Variants in DYNC2H1 observed in about 807,000 individuals in gnomAD.
The protein encoded by DYNC2H1 is dynein cytoplasmic 2 heavy chain 1.
A neutral mutation model predicts 570.0 loss-of-function variants in DYNC2H1; 410 were observed. That is an observed-to-expected ratio of 0.72 (90% confidence interval 0.66 to 0.78). The LOEUF is 0.78. DYNC2H1 is among the 30% of genes least tolerant of loss of function. The pLI, the probability that DYNC2H1 is intolerant of heterozygous loss-of-function variation, is 0.00. For synonymous variants in DYNC2H1, 1,688 were observed against 1,677.6 expected, an observed-to-expected ratio of 1.01 and a Z score of -0.15; for missense variants, 4,865 against 5,046.4, an observed-to-expected ratio of 0.96 and a Z score of 1.09.
intron 84 of DYNC2H1, among the ~76,000 whole-genome samples, chr11:103,411,329 A>C (rs1232668885): frequency 6.6e-6 from 1 of 152,120 alleles, no homozygotes; most frequent in African/African-American, 2.4e-5. Context: ...TCAAGGTATC[A>C]TATCAGTATT....
chr11:103,229,942 TG>T (rs1397129268), intron 59 of DYNC2H1, among the ~76,000 whole-genome samples: 2 of 152,180 alleles, frequency 1.3e-5, no homozygotes, highest in African/African-American at 2.4e-5. Context: ...TCTCAAAATT[TG>T]GTTCCTAGAC....
In DYNC2H1 at chr11:103,465,480, A is replaced by G. The variant is rs534730564; in HGVS notation, c.12649-3109A>G. ...TGTTTTTTTTTTTAATCTGTGGCAC[A>G]TGAGTTTGAGTTAGCATTTGCTCAA... is the stretch of plus-strand genomic sequence containing the variant. On this transcript the variant is annotated intron_variant, in intron 87 of 88. Transcript: ENST00000375735. This position sits in a 1 kb window ranked among gnomAD's most constrained non-coding sequence, Gnocchi z 4.9. Among the ~76,000 whole-genome samples, 2 of 152,118 alleles carry G rather than the reference A, an allele frequency of 1.3e-5. No individual in the cohort carries two copies. Among genetic ancestry groups the G allele is most frequent in the South Asian group, 2.1e-4 (1 of 4,818 alleles).
At chr11:103,354,074 G>A (rs565536140) in intron 82 of DYNC2H1, among the ~76,000 whole-genome samples, 74 of 151,312 alleles carry the variant, frequency 4.9e-4, no homozygotes, top group Non-Finnish European at 1.0e-3. Context: ...CTACTCGGGA[G>A]GCTGAGGCAG....
rs541205052 is a variant in DYNC2H1, at chr11:103,395,761, G to C, written c.12157-3902G>C. On this transcript the variant is annotated intron_variant, in intron 83 of 88. Coordinates refer to ENST00000375735, the MANE Select transcript of DYNC2H1 (RefSeq NM_001377.3). This position sits in a 1 kb window ranked among gnomAD's most constrained non-coding sequence, Gnocchi z 4.3. Reference sequence around the variant, plus strand: ...TCTCATTAGTTAAGCCCCAATTCAAGTTGCAAATTAATTTGTGGAACTGAG... The same window carrying C: ...TCTCATTAGTTAAGCCCCAATTCAACTTGCAAATTAATTTGTGGAACTGAG... 6.6e-6 allele frequency among the ~76,000 whole-genome samples: 1 copy of C among 152,206 alleles called. No homozygotes were observed. Among genetic ancestry groups the C allele is most frequent in the East Asian group, 1.9e-4 (1 of 5,170 alleles).
At chr11:103,215,946 T>C in intron 55 of DYNC2H1, 88 bp downstream of exon 55, 3 of 1,462,168 alleles carry the variant, frequency 2.1e-6, no homozygotes, top group Non-Finnish European at 2.7e-6. Flanking sequence ...TTCACTTAGG[T>C]GGATTTAAAA....
intron 75 of DYNC2H1, among the ~76,000 whole-genome samples, chr11:103,295,340 C>T (rs1866775153): frequency 6.6e-6 from 1 of 152,094 alleles, no homozygotes. Context: ...ATAAGCTTTC[C>T]TGTATTAGGC....
chr11:103,431,896 G>A (rs749427691), intron 84 of DYNC2H1, among the ~76,000 whole-genome samples: 2 of 152,124 alleles, frequency 1.3e-5, no homozygotes, highest in African/African-American at 2.4e-5. Flanking sequence ...GGGCACTGTC[G>A]TAGAGAAGAA....
At chr11:103,109,792 C>G (rs1306457930) in intron 1 of DYNC2H1, 23 bp downstream of exon 1, 1 of 1,596,354 alleles carries the variant, frequency 6.3e-7, no homozygotes, top group African/African-American at 1.3e-5. Context: ...GCACTCCTGC[C>G]TGACCCCTGA....
chr11:103,412,898 C>G (rs1280831745), intron 84 of DYNC2H1, among the ~76,000 whole-genome samples: 1 of 152,162 alleles, frequency 6.6e-6, no homozygotes, highest in Non-Finnish European at 1.5e-5. Flanking sequence ...TCACTCCTTT[C>G]CTCTACCATG....
At chr11:103,362,216 G>A (rs774650323) in intron 83 of DYNC2H1, among the ~76,000 whole-genome samples, 12 of 151,704 alleles carry the variant, frequency 7.9e-5, no homozygotes, top group Non-Finnish European at 1.5e-4. Context: ...CTGAAAAATC[G>A]AAGCTCTTAA....
chr11:103,182,992 C>T (rs578249917), intron 40 of DYNC2H1, among the ~76,000 whole-genome samples: 1 of 151,938 alleles, frequency 6.6e-6, no homozygotes, highest in East Asian at 1.9e-4. Flanking sequence ...CCCATTAGCT[C>T]CTAGTCTGAC....
Position 103,188,547 on chromosome 11 carries a change from A to G in DYNC2H1, c.7191A>G (p.Leu2397=). The G allele has an allele frequency of 1.9e-6, 3 of 1,610,460 alleles. No individual in the cohort carries two copies. Among genetic ancestry groups the G allele is most frequent in the South Asian group, 1.1e-5 (1 of 90,606 alleles). ...FYDENLEWVG[L]ENIQIVASMS... is the part of the protein sequence containing the mutation. ...ATGAAAATTTGGAATGGGTTGGTCT[A>G]GAAAATATTCAAATTGTGGCTTCTA... Residue 2397 remains leucine (L), a synonymous_variant, in exon 44 of 89, where the codon CTA becomes CTG. Transcript: ENST00000375735.
chr11:103,184,553 C>A (rs1035486222), intron 40 of DYNC2H1, among the ~76,000 whole-genome samples: 1 of 151,902 alleles, frequency 6.6e-6, no homozygotes, highest in Admixed American at 6.6e-5. Context: ...CTCTTGTATT[C>A]TTTTTATCAG....
At position 103,170,303 on chromosome 11, in the gene DYNC2H1, A is replaced by T; in HGVS notation, c.5151+13A>T. On this transcript the variant is annotated intron_variant, in intron 33 of 88. Transcript: ENST00000375735. This position sits in a 1 kb window ranked among gnomAD's most constrained non-coding sequence, Gnocchi z 4.8. Reference sequence around the variant, plus strand: ...TAATTGTGATGAGGTAGAATAAATAATTATCAAAATATGTAACAATGGGTT... The same window carrying T: ...TAATTGTGATGAGGTAGAATAAATATTTATCAAAATATGTAACAATGGGTT... 6.5e-7 allele frequency: 1 copy of T among 1,542,242 alleles called. No individual in the cohort carries two copies. The highest frequency in any genetic ancestry group is 8.7e-7 in the Non-Finnish European group (1 of 1,148,488).
rs1223001842 is a variant in DYNC2H1 at position 103,479,083 on chromosome 11, T to C, written c.12766-12T>C. On this transcript the variant is annotated splice_polypyrimidine_tract_variant and intron_variant, in intron 88 of 88. Coordinates refer to ENST00000375735, the MANE Select transcript of DYNC2H1 (RefSeq NM_001377.3). ...TATTGCTTTATTTTAAAACAAGTTA[T>C]TTTTTAAACAGGATGCATGTGGTCC... 1.2e-6 allele frequency: 2 copies of C among 1,613,254 alleles called. No homozygotes were observed. Among genetic ancestry groups the C allele is most frequent in the East Asian group, 4.5e-5 (2 of 44,862 alleles).
intron 83 of DYNC2H1, among the ~76,000 whole-genome samples, chr11:103,397,000 A>G (rs1406639528): frequency 6.6e-6 from 1 of 152,180 alleles, no homozygotes; most frequent in Non-Finnish European, 1.5e-5. Context: ...AGGGTTGAAA[A>G]AATACCTAAA....
chr11:103,222,935 A>G (rs1201084486), intron 58 of DYNC2H1, 30 bp from the exon 59 acceptor site: 1 of 1,611,322 alleles, frequency 6.2e-7, no homozygotes, highest in African/African-American at 1.3e-5. Context: ...TTAAGTAAGG[A>G]TGTTGAATCA....
intron 60 of DYNC2H1, among the ~76,000 whole-genome samples, chr11:103,233,296 T>C (rs936456766): frequency 3.7e-3 from 5 of 1,366 alleles, no homozygotes; most frequent in African/African-American, 9.0e-3. Context: ...AATGCTGGTT[T>C]TTTTTTTTTT....
intron 73 of DYNC2H1, among the ~76,000 whole-genome samples, chr11:103,284,327 T>C (rs921187165): frequency 2.0e-5 from 3 of 152,214 alleles, no homozygotes; most frequent in Admixed American, 2.0e-4. Context: ...TATTGCTTCC[T>C]CTATTGTAAT....
Sources: allele counts gnomAD v4.1 joint callset (sites outside exome capture counted in the v4.1 genomes callset), GRCh38; gene constraint gnomAD v4.1.1; non-coding constraint Gnocchi (gnomAD v3.1); transcripts MANE v1.5; gene names NCBI Gene and HGNC (gene_info 2026-07-23, HGNC 2026-07-21).